Variants in LMAN2L observed in about 807,000 individuals in gnomAD.
LMAN2L encodes lectin, mannose binding 2 like, also known as VIP36-like protein.
A neutral mutation model predicts 44.3 loss-of-function variants in LMAN2L; 30 were observed. The observed-to-expected ratio is 0.68, with a 90% confidence interval of 0.51 to 0.92. The LOEUF (loss-of-function observed/expected upper bound fraction) is 0.92, where lower values mean the gene tolerates loss of function less well. Among genes scored for constraint, LMAN2L ranks in the 40% least tolerant of loss-of-function variants. LMAN2L has a pLI of 0.00. For missense variants in LMAN2L, 429 were observed against 446.1 expected (o/e 0.96, Z 0.35); for synonymous variants, 183 against 171.1 (o/e 1.07, Z -0.54).
rs1327396338 is a variant in LMAN2L at position 96,735,803 on chromosome 2, A to T, written c.307-1277T>A. Reference sequence around the variant, plus strand: ...CAGTGAGCTGAGATCATGCCACTACACTCCAGCCTGGGCGACAGAGCGAGA... The same window carrying T: ...CAGTGAGCTGAGATCATGCCACTACTCTCCAGCCTGGGCGACAGAGCGAGA... On this transcript the variant is annotated intron_variant, in intron 2 of 7. Coordinates refer to ENST00000264963, the MANE Select transcript of LMAN2L (RefSeq NM_030805.4). Among the ~76,000 whole-genome samples the T allele has an allele frequency of 2.0e-5, 3 of 149,924 alleles. No homozygotes were observed. The East Asian group carries it at 5.9e-4, about 29-fold the overall frequency.
intron 4 of LMAN2L, among the ~76,000 whole-genome samples, chr2:96,714,079 GAAAC>G (rs1164601306): frequency 1.3e-5 from 2 of 152,190 alleles, no homozygotes; most frequent in African/African-American, 2.4e-5. Flanking sequence ...CAGAGTGGAA[GAAAC>G]AAACAACAAA....
chr2:96,711,712 A>G lies in LMAN2L; in HGVS notation c.728T>C (p.Val243Ala), dbSNP rs77272309. Residue 243 changes from valine (V) to alanine (A), a missense_variant, in exon 6 of 8, where the codon GTC (valine) becomes GCC (alanine). By Grantham distance (64) the Val-to-Ala change is moderately conservative. Coordinates refer to ENST00000264963, the MANE Select transcript of LMAN2L (RefSeq NM_030805.4). The part of the protein sequence containing the change: ...EWRDCIEVPG[V>A]RLPRGYYFGT... ...GAAGTAGTAGCCGCGGGGCAGGCGG[A>G]CTCCGGGCACTTCAATGCAGTCCCT... 2 of 1,613,944 alleles carry G rather than the reference A, an allele frequency of 1.2e-6. No individual in the cohort carries two copies. Among genetic ancestry groups the G allele is most frequent in the Non-Finnish European group, 1.7e-6 (2 of 1,179,992 alleles).
chr2:96,712,913 G>A (rs1053811075), intron 4 of LMAN2L, among the ~76,000 whole-genome samples: 4 of 152,200 alleles, frequency 2.6e-5, no homozygotes, highest in African/African-American at 9.6e-5. Context: ...GTGGTGAAGG[G>A]GTAACATGAG....
intron 4 of LMAN2L, among the ~76,000 whole-genome samples, chr2:96,723,948 A>G (rs143714745): frequency 0.013 from 2,027 of 152,094 alleles, 59 homozygotes; most frequent in African/African-American, 0.047. Flanking sequence ...TTAAAAAAAA[A>G]AATAGCCAGG....
chr2:96,710,807 T>C (rs1431230963), intron 6 of LMAN2L, among the ~76,000 whole-genome samples: 1 of 152,200 alleles, frequency 6.6e-6, no homozygotes, highest in Non-Finnish European at 1.5e-5. Context: ...CTTTCTATTT[T>C]GCCACAAGAA....
intron 4 of LMAN2L, among the ~76,000 whole-genome samples, chr2:96,714,486 T>C (rs971273852): frequency 6.6e-6 from 1 of 152,246 alleles, no homozygotes; most frequent in East Asian, 1.9e-4. Context: ...TAAACTGGCA[T>C]GAAGTTAATC....
chr2:96,734,204 C>A, intron 3 of LMAN2L, among the ~76,000 whole-genome samples: 1 of 152,184 alleles, frequency 6.6e-6, no homozygotes, highest in East Asian at 1.9e-4. Context: ...AAGTAACAAG[C>A]AAGCAACTGC....
chr2:96,736,259 T>C (rs1415221248), intron 2 of LMAN2L, among the ~76,000 whole-genome samples: 3 of 152,170 alleles, frequency 2.0e-5, no homozygotes, highest in Non-Finnish European at 1.5e-5. Context: ...AAAATCCCAA[T>C]GGCCAAGCTG....
intron 3 of LMAN2L, 112 bp from the exon 4 acceptor site, chr2:96,733,713 T>C: frequency 1.2e-6 from 1 of 812,880 alleles, no homozygotes; most frequent in Non-Finnish European, 2.0e-6. Context: ...CCCAAGCCTC[T>C]CTCAAGATGA....
chr2:96,734,200 C>A (rs1035438403), intron 3 of LMAN2L, among the ~76,000 whole-genome samples: 7 of 152,148 alleles, frequency 4.6e-5, no homozygotes, highest in African/African-American at 1.4e-4. Flanking sequence ...AAAGAAGTAA[C>A]AAGCAAGCAA....
In LMAN2L at chr2:96,711,765, CATT is replaced by C; in HGVS notation, c.672_674del (p.Ile224del). 6.2e-7 allele frequency: 1 copy of C among 1,614,026 alleles called. No homozygotes were observed. Among genetic ancestry groups the C allele is most frequent in the Non-Finnish European group, 8.5e-7 (1 of 1,179,882 alleles). On this transcript the variant is annotated inframe_deletion and splice_region_variant, in exon 6 of 8. Coordinates refer to ENST00000264963, the MANE Select transcript of LMAN2L (RefSeq NM_030805.4). ...ACTCATGCTTGCCATCAATATCCAT[CATT>C]ATCTAGAATAAAAAGAGAGATAAAT...
intron 6 of LMAN2L, among the ~76,000 whole-genome samples, chr2:96,709,294 G>A (rs953521799): frequency 3.9e-5 from 6 of 152,124 alleles, no homozygotes; most frequent in Non-Finnish European, 7.4e-5. Context: ...TGGCTCCTGC[G>A]TCTCTTTACA....
At chr2:96,729,932 ACTGAATCAGAAGCT>A (rs2078357985) in intron 4 of LMAN2L, among the ~76,000 whole-genome samples, 1 of 152,202 alleles carries the variant, frequency 6.6e-6, no homozygotes, top group Non-Finnish European at 1.5e-5. Context: ...CTTCAGACGA[ACTGAATCAGAAGCT>A]CTGGGGTTGG....
Position 96,711,740 on chromosome 2 carries a change from A to C in LMAN2L, c.700T>G (p.Trp234Gly), listed in dbSNP as rs2077923109. 1.9e-6 allele frequency: 3 copies of C among 1,614,096 alleles called. No individual in the cohort carries two copies. The highest frequency in any genetic ancestry group is 2.5e-6 in the Non-Finnish European group (3 of 1,179,968). ...IMMDIDGKHE[W>G]RDCIEVPGVR... ...CCGGGCACTTCAATGCAGTCCCTCC[A>C]CTCATGCTTGCCATCAATATCCATC... The change falls in exon 6 of 8, where the codon TGG (tryptophan) becomes GGG (glycine). Residue 234 changes from tryptophan (W) to glycine (G), a missense_variant. By Grantham distance (184) the Trp-to-Gly change is radical (BLOSUM62 -2). Coordinates refer to ENST00000264963, the MANE Select transcript of LMAN2L (RefSeq NM_030805.4).
chr2:96,739,083 C>T (rs1273081220), intron 1 of LMAN2L, among the ~76,000 whole-genome samples: 1 of 152,186 alleles, frequency 6.6e-6, no homozygotes, highest in Non-Finnish European at 1.5e-5. Context: ...TGAAGCTACT[C>T]CCTGTACCCT....
Position 96,707,185 on chromosome 2 carries a change from T to G in LMAN2L, c.*71A>C. ...AGACAAGAACACTCTCCAGGCTGCA[T>G]GCTCAGGCCAGTGCCTGCTCCTTCC... On this transcript the variant is annotated 3_prime_UTR_variant, in exon 8 of 8. Coordinates refer to ENST00000264963, the MANE Select transcript of LMAN2L (RefSeq NM_030805.4). 1 of 1,454,526 alleles carries G rather than the reference T, an allele frequency of 6.9e-7. No individual in the cohort carries two copies. 90.1% of individuals were successfully genotyped at this position (1,454,526 alleles called of 1,614,324 possible).
Position 96,721,762 on chromosome 2 carries a change from G to C in LMAN2L, c.508-9737C>G, listed in dbSNP as rs377315318. Among the ~76,000 whole-genome samples, 25 of 152,084 alleles carry C rather than the reference G, an allele frequency of 1.6e-4. 2 individuals are homozygous for C. The highest frequency in any genetic ancestry group is 6.5e-4 in the Admixed American group (10 of 15,274). On this transcript the variant is annotated intron_variant, in intron 4 of 7. Coordinates refer to ENST00000264963, the MANE Select transcript of LMAN2L (RefSeq NM_030805.4). ...CCCAAAGTGTTGGGATTATAGGCAC[G>C]AGCCACCACACCCAGTGATACTTAT...
chr2:96,711,741 C>A lies in LMAN2L; in HGVS notation c.699G>T (p.Glu233Asp), dbSNP rs2077923209. 1.9e-6 allele frequency: 3 copies of A among 1,614,086 alleles called. No homozygotes were observed. Among genetic ancestry groups the A allele is most frequent in the Non-Finnish European group, 2.5e-6 (3 of 1,180,020 alleles). The change falls in exon 6 of 8, where the codon GAG (glutamate) becomes GAT (aspartate). Residue 233 changes from glutamate (E) to aspartate (D), a missense_variant. Glu to Asp is a conservative substitution (Grantham distance 45). Coordinates refer to ENST00000264963, the MANE Select transcript of LMAN2L (RefSeq NM_030805.4). Reference protein sequence around the residue: ...TIMMDIDGKHEWRDCIEVPGV... With the variant: ...TIMMDIDGKHDWRDCIEVPGV... ...CGGGCACTTCAATGCAGTCCCTCCACTCATGCTTGCCATCAATATCCATCA... is the reference window on the plus strand; with the variant it reads ...CGGGCACTTCAATGCAGTCCCTCCAATCATGCTTGCCATCAATATCCATCA...
In LMAN2L at chr2:96,706,989, C is replaced by A. The variant is rs879942059; in HGVS notation, c.*267G>T. ...CACAACCACGTAAATTCTCTTCACA[C>A]CTCTGCTCCCACATGGAAGGACTGC... On this transcript the variant is annotated 3_prime_UTR_variant, in exon 8 of 8. Transcript: ENST00000264963. 2 of 292,838 alleles carry A rather than the reference C, an allele frequency of 6.8e-6. No individual in the cohort carries two copies. The highest frequency in any genetic ancestry group is 1.3e-5 in the Non-Finnish European group (2 of 158,710). The allele number at this position is 292,838 out of a possible 1,614,324, so 18.1% of individuals were successfully genotyped here. A position where few individuals can be genotyped will look rare whatever the true frequency, so the allele number is the denominator to read the frequency against.
Sources: gnomAD v4.1 joint callset for allele counts (sites outside exome capture counted in the v4.1 genomes callset) on GRCh38, gnomAD v4.1.1 for gene constraint, MANE v1.5 for transcripts, NCBI Gene and HGNC (gene_info 2026-07-23, HGNC 2026-07-21) for gene names.